ADAM22: variants seen among roughly 807,000 people sequenced by gnomAD.
ADAM22 encodes disintegrin and metalloproteinase domain-containing protein 22.
ADAM22 carries 65 observed loss-of-function variants against 144.6 expected under a neutral mutation model. That is an observed-to-expected ratio of 0.45 (90% confidence interval 0.37 to 0.55). ADAM22 has a LOEUF of 0.55. ADAM22 is among the 20% of genes least tolerant of loss of function. ADAM22 has a pLI of 0.00. For missense variants in ADAM22, 974 were observed against 1,184.9 expected (o/e 0.82, Z 2.61); for synonymous variants, 391 against 412.6 (o/e 0.95, Z 0.63).
intron 1 of ADAM22, 176 bp from the exon 2 acceptor site, chr7:87,934,849 TG>T: frequency 1.2e-6 from 1 of 867,432 alleles, no homozygotes; most frequent in Non-Finnish European, 1.8e-6. Flanking sequence ...TCGGATGAGC[TG>T]GTCCAAGGCT....
Position 88,197,933 on chromosome 7 carries a change from A to T in ADAM22, c.*1442A>T, listed in dbSNP as rs555085113. ...ACATATATTTTTAATCCATAGGAAA[A>T]TAAGATTCTATTTTAAAAGACCCTT... On this transcript the variant is annotated 3_prime_UTR_variant, in exon 32 of 32. Coordinates refer to ENST00000413139, the MANE Select transcript of ADAM22 (RefSeq NM_001324418.2). The T allele has an allele frequency of 1.3e-5, 2 of 152,336 alleles. No individual in the cohort carries two copies. The highest frequency in any genetic ancestry group is 4.8e-5 in the African/African-American group (2 of 41,590). The allele number at this position is 152,336 out of a possible 1,614,324, so 9.4% of individuals were successfully genotyped here. A position where few individuals can be genotyped will look rare whatever the true frequency, so the allele number is the denominator to read the frequency against.
intron 5 of ADAM22, among the ~76,000 whole-genome samples, chr7:88,111,592 T>C (rs999835945): frequency 1.3e-5 from 2 of 152,294 alleles, no homozygotes; most frequent in Non-Finnish European, 2.9e-5. Flanking sequence ...TATTGCCCTC[T>C]TGTGGAAATT....
chr7:88,060,054 G>A (rs1381146453), intron 3 of ADAM22, among the ~76,000 whole-genome samples: 1 of 152,056 alleles, frequency 6.6e-6, no homozygotes, highest in African/African-American at 2.4e-5. Flanking sequence ...TAGTAAGTGT[G>A]CAACAGCATT....
intron 8 of ADAM22, among the ~76,000 whole-genome samples, chr7:88,126,836 C>CT (rs1830534801): frequency 6.6e-6 from 1 of 151,832 alleles, no homozygotes; most frequent in South Asian, 2.1e-4. Context: ...ATGAGAGATA[C>CT]TTAACCTATA....
intron 4 of ADAM22, among the ~76,000 whole-genome samples, chr7:88,095,126 T>A (rs1820901571): frequency 6.6e-6 from 1 of 152,198 alleles, no homozygotes; most frequent in African/African-American, 2.4e-5. Context: ...TTTGGTGGCT[T>A]CTACCCATTC....
chr7:88,070,639 A>C lies in ADAM22; in HGVS notation c.324-4987A>C, dbSNP rs1812498719. Among the ~76,000 whole-genome samples the C allele has an allele frequency of 3.3e-5, 5 of 152,258 alleles. No homozygotes were observed. In the South Asian group the frequency reaches 1.0e-3, roughly 32 times the overall value. ...TTATGTTAACTGTGATCACTTGGTT[A>C]AGGTGATGTCTCCAGTTTTTTTTTC... On this transcript the variant is annotated intron_variant, in intron 3 of 31. Coordinates refer to ENST00000413139, the MANE Select transcript of ADAM22 (RefSeq NM_001324418.2).
chr7:88,165,287 C>T (rs1474793327), intron 23 of ADAM22, among the ~76,000 whole-genome samples: 5 of 151,886 alleles, frequency 3.3e-5, no homozygotes, highest in Non-Finnish European at 7.4e-5. Context: ...TTCTTAGTTC[C>T]CCTGACCCTG....
Position 87,942,826 on chromosome 7 carries a change from G to A in ADAM22, c.246+7640G>A, listed in dbSNP as rs17252691. On this transcript the variant is annotated intron_variant, in intron 2 of 31. Transcript: ENST00000413139. ...CCAAAATTGTATATGCCTTTTTGTGGTCAAAGTTTCATAGGTAGAAACATT... is the reference window on the plus strand; with the variant it reads ...CCAAAATTGTATATGCCTTTTTGTGATCAAAGTTTCATAGGTAGAAACATT... 5.2e-3 allele frequency among the ~76,000 whole-genome samples: 796 copies of A among 152,116 alleles called. 5 individuals are homozygous for A. Among genetic ancestry groups the A allele is most frequent in the Non-Finnish European group, 8.4e-3 (574 of 67,976 alleles).
At chr7:88,035,725 A>G (rs1458258139) in intron 3 of ADAM22, among the ~76,000 whole-genome samples, 2 of 152,232 alleles carry the variant, frequency 1.3e-5, no homozygotes, top group Non-Finnish European at 1.5e-5. Context: ...CATAGGCTGT[A>G]TGCAAATACC....
chr7:88,137,121 G>C (rs1052465771), intron 14 of ADAM22, among the ~76,000 whole-genome samples: 2 of 152,094 alleles, frequency 1.3e-5, no homozygotes, highest in African/African-American at 4.8e-5. Context: ...ATGTGTGTTG[G>C]AGTAAAACAT....
At chr7:87,999,045 C>T (rs1020054343) in intron 3 of ADAM22, among the ~76,000 whole-genome samples, 1 of 152,152 alleles carries the variant, frequency 6.6e-6, no homozygotes, top group East Asian at 1.9e-4. Context: ...AGATTGTGGA[C>T]ACATTATAAA....
chr7:88,038,749 A>T (rs767468963), intron 3 of ADAM22, among the ~76,000 whole-genome samples: 15 of 150,654 alleles, frequency 1.0e-4, no homozygotes, highest in Non-Finnish European at 1.5e-4. Context: ...GCTATTCTAC[A>T]TAGTAACTGA....
At chr7:88,149,270 G>A (rs1319337096) in intron 18 of ADAM22, among the ~76,000 whole-genome samples, 6 of 152,154 alleles carry the variant, frequency 3.9e-5, no homozygotes, top group East Asian at 1.9e-4. Flanking sequence ...CTCAGACTGC[G>A]TGCATGCCTT....
chr7:88,007,924 C>G (rs925084857), intron 3 of ADAM22, among the ~76,000 whole-genome samples: 2 of 152,174 alleles, frequency 1.3e-5, no homozygotes, highest in African/African-American at 4.8e-5. Context: ...TAAAGAGCTT[C>G]TGCACAGCAA....
chr7:87,997,369 T>C (rs1016884001), intron 3 of ADAM22, among the ~76,000 whole-genome samples: 3 of 152,240 alleles, frequency 2.0e-5, no homozygotes, highest in African/African-American at 7.2e-5. Flanking sequence ...CTGTTAACTT[T>C]AGCTGCTTAA....
chr7:88,102,585 C>T (rs1233195483), intron 4 of ADAM22, among the ~76,000 whole-genome samples: 4 of 152,120 alleles, frequency 2.6e-5, no homozygotes, highest in Admixed American at 2.0e-4. Flanking sequence ...TGAGAACCTC[C>T]CCTCTAGGGT....
intron 3 of ADAM22, among the ~76,000 whole-genome samples, chr7:88,049,444 GC>G (rs1385328069): frequency 6.6e-6 from 1 of 152,066 alleles, no homozygotes; most frequent in African/African-American, 2.4e-5. Flanking sequence ...TGTTGCCCAG[GC>G]TGGAGTGCAG....
At chr7:88,154,377 A>T (rs181874798) in intron 21 of ADAM22, among the ~76,000 whole-genome samples, 1 of 152,238 alleles carries the variant, frequency 6.6e-6, no homozygotes, top group African/African-American at 2.4e-5. Flanking sequence ...CCCTACCTCC[A>T]TGCCTACATT....
At chr7:87,956,066 C>T (rs1244911329) in intron 2 of ADAM22, among the ~76,000 whole-genome samples, 2 of 152,200 alleles carry the variant, frequency 1.3e-5, no homozygotes, top group African/African-American at 2.4e-5. Context: ...AACTCCCTGA[C>T]CCCTTGCGCT....
Sources: allele counts gnomAD v4.1 joint callset (sites outside exome capture counted in the v4.1 genomes callset), GRCh38; gene constraint gnomAD v4.1.1; transcripts MANE v1.5; gene names NCBI Gene and HGNC (gene_info 2026-07-23, HGNC 2026-07-21).